CNTNAP2: variants seen among roughly 807,000 people sequenced by gnomAD.
CNTNAP2 encodes contactin associated protein 2.
In CNTNAP2, 98 loss-of-function variants were observed where a neutral mutation model predicts 155.2. That is an observed-to-expected ratio of 0.63 (90% CI 0.54 to 0.75). The LOEUF (loss-of-function observed/expected upper bound fraction) is 0.75. Among genes scored for constraint, CNTNAP2 ranks in the 30% least tolerant of loss-of-function variants. The pLI, the probability that CNTNAP2 is intolerant of heterozygous loss-of-function variation, is 0.00. For synonymous variants in CNTNAP2, 651 were observed against 631.2 expected (o/e 1.03, Z -0.47); for missense variants, 1,727 against 1,688.1 (o/e 1.02, Z -0.40).
chr7:148,282,275 T>C (rs145833345), intron 21 of CNTNAP2, among the ~76,000 whole-genome samples: 204 of 152,220 alleles, frequency 1.3e-3, no homozygotes, highest in Middle Eastern at 0.01. Context: ...CAAAGGCAAA[T>C]CTTGTCATAA....
chr7:146,665,752 G>C (rs569335716), intron 1 of CNTNAP2, among the ~76,000 whole-genome samples: 7 of 123,832 alleles, frequency 5.7e-5, no homozygotes, highest in Middle Eastern at 5.4e-3. Flanking sequence ...TTGCACTCCA[G>C]CCTGGGCTAT....
intron 15 of CNTNAP2, among the ~76,000 whole-genome samples, chr7:148,115,661 G>A (rs1348912393): frequency 1.3e-5 from 2 of 152,090 alleles, no homozygotes; most frequent in African/African-American, 2.4e-5. Flanking sequence ...GTGTAGTAAG[G>A]CAGATGTTGA....
chr7:146,653,098 A>G (rs1353097003), intron 1 of CNTNAP2, among the ~76,000 whole-genome samples: 1 of 152,166 alleles, frequency 6.6e-6, no homozygotes. Flanking sequence ...GAAAAAAATG[A>G]TGAAAATTGA....
At chr7:146,431,680 T>C (rs927769332) in intron 1 of CNTNAP2, among the ~76,000 whole-genome samples, 11 of 152,196 alleles carry the variant, frequency 7.2e-5, no homozygotes, top group Admixed American at 6.6e-4. Context: ...TAAGGATCAA[T>C]AGACAAAAGT....
chr7:147,364,141 T>C lies in CNTNAP2; in HGVS notation c.1499-31468T>C, dbSNP rs1325524794. On this transcript the variant is annotated intron_variant, in intron 9 of 23. Transcript: ENST00000361727. ...CAAATAATCATGTTGAGAGCTTACATTATCTTTTTATATTATCTCTTTCTA... is the reference window on the plus strand; with the variant it reads ...CAAATAATCATGTTGAGAGCTTACACTATCTTTTTATATTATCTCTTTCTA... Among the ~76,000 whole-genome samples the C allele has an allele frequency of 7.2e-5, 11 of 152,346 alleles. No homozygotes were observed. The South Asian group carries it at 1.9e-3, about 26-fold the overall frequency.
intron 17 of CNTNAP2, among the ~76,000 whole-genome samples, chr7:148,169,959 CAA>C (rs398112005): frequency 2.8e-5 from 4 of 144,284 alleles, no homozygotes; most frequent in Admixed American, 7.0e-5. Flanking sequence ...AAATCCGCCT[CAA>C]AAAAAAAAAG....
At chr7:146,186,138 G>C (rs866506998) in intron 1 of CNTNAP2, among the ~76,000 whole-genome samples, 3 of 152,068 alleles carry the variant, frequency 2.0e-5, no homozygotes, top group African/African-American at 7.2e-5. Flanking sequence ...ATCATAAAAT[G>C]TGTGCTAAAT....
chr7:146,685,499 A>T (rs1016350326), intron 1 of CNTNAP2, among the ~76,000 whole-genome samples: 1 of 152,182 alleles, frequency 6.6e-6, no homozygotes, highest in Non-Finnish European at 1.5e-5. Flanking sequence ...AGGGTGGGAG[A>T]ACCAAAAAAA....
At chr7:147,454,116 A>G (rs1221050771) in intron 10 of CNTNAP2, among the ~76,000 whole-genome samples, 1 of 152,224 alleles carries the variant, frequency 6.6e-6, no homozygotes, top group Admixed American at 6.5e-5. Flanking sequence ...TCTTTCATAT[A>G]TTAATTCAAT....
intron 3 of CNTNAP2, among the ~76,000 whole-genome samples, chr7:146,999,249 A>G: frequency 6.6e-6 from 1 of 151,112 alleles, no homozygotes; most frequent in East Asian, 1.9e-4. Context: ...ATTGCAAAAA[A>G]AAAAAAAAAG....
At chr7:148,109,384 TTTTG>T (rs1461722314) in intron 15 of CNTNAP2, among the ~76,000 whole-genome samples, 12 of 148,698 alleles carry the variant, frequency 8.1e-5, no homozygotes, top group African/African-American at 2.4e-4. Flanking sequence ...TTTTGTTTTG[TTTTG>T]TTTTGTTTTG....
At chr7:147,204,627 G>T (rs1802982826) in intron 8 of CNTNAP2, among the ~76,000 whole-genome samples, 1 of 151,956 alleles carries the variant, frequency 6.6e-6, no homozygotes, top group South Asian at 2.1e-4. Context: ...GGGTTTCTAG[G>T]TACCTAGTGT....
rs540649740 is a variant in CNTNAP2, at chr7:148,077,569, A to C, written c.2384-40549A>C. On this transcript the variant is annotated intron_variant, in intron 15 of 23. Coordinates refer to ENST00000361727, the MANE Select transcript of CNTNAP2 (RefSeq NM_014141.6). Reference sequence around the variant, plus strand: ...TGGGGAGATTCAAATAAACAAATTCAAAATGCCCCTTAGAGTCTTTAACAG... The same window carrying C: ...TGGGGAGATTCAAATAAACAAATTCCAAATGCCCCTTAGAGTCTTTAACAG... Among the ~76,000 whole-genome samples the C allele has an allele frequency of 2.6e-3, 394 of 152,310 alleles. 1 individual carries two copies. The highest frequency in any genetic ancestry group is 3.9e-3 in the Non-Finnish European group (266 of 68,030).
chr7:146,721,803 ATATATAGTC>A (rs1801332206), intron 1 of CNTNAP2, among the ~76,000 whole-genome samples: 1 of 120,534 alleles, frequency 8.3e-6, no homozygotes, highest in Non-Finnish European at 1.6e-5. Context: ...TATATAGACT[ATATATAGTC>A]TATATATGTA....
chr7:146,824,815 A>G (rs1285390269), intron 2 of CNTNAP2, among the ~76,000 whole-genome samples: 2 of 151,656 alleles, frequency 1.3e-5, no homozygotes, highest in Non-Finnish European at 2.9e-5. Flanking sequence ...CTTTTAGGAT[A>G]GTAGAAGCTA....
Position 147,618,667 on chromosome 7 carries a change from ATATAAT to A in CNTNAP2, c.1898-20438_1898-20433del, listed in dbSNP as rs1218161615. ...ATATATATAATAACAGCTATTATAT[ATATAAT>A]AACAGCTATTATATATATATAATAA... On this transcript the variant is annotated intron_variant, in intron 12 of 23. Coordinates refer to ENST00000361727, the MANE Select transcript of CNTNAP2 (RefSeq NM_014141.6). 1.9e-3 allele frequency among the ~76,000 whole-genome samples: 280 copies of A among 148,438 alleles called. 1 individual carries two copies. Among genetic ancestry groups the A allele is most frequent in the African/African-American group, 7.0e-3 (276 of 39,342 alleles).
chr7:147,450,995 C>T (rs538453580), intron 10 of CNTNAP2, among the ~76,000 whole-genome samples: 1 of 152,210 alleles, frequency 6.6e-6, no homozygotes, highest in African/African-American at 2.4e-5. Context: ...CCTTACTGTT[C>T]TTTGACCAGG....
intron 1 of CNTNAP2, among the ~76,000 whole-genome samples, chr7:146,569,679 T>G (rs2129145867): frequency 6.6e-6 from 1 of 152,294 alleles, no homozygotes; most frequent in East Asian, 1.9e-4. Context: ...GACTGACAAC[T>G]TCAAAGCTCA....
At chr7:147,229,932 A>G (rs1803639618) in intron 8 of CNTNAP2, among the ~76,000 whole-genome samples, 1 of 152,216 alleles carries the variant, frequency 6.6e-6, no homozygotes, top group African/African-American at 2.4e-5. Flanking sequence ...TTAAATATAA[A>G]TTCTGCTAAA....
Sources: allele counts gnomAD v4.1 joint callset (sites outside exome capture counted in the v4.1 genomes callset), GRCh38; gene constraint gnomAD v4.1.1; transcripts MANE v1.5; gene names NCBI Gene and HGNC (gene_info 2026-07-23, HGNC 2026-07-21).